DLGAP1: variants seen among roughly 807,000 people sequenced by gnomAD.
DLGAP1 encodes disks large-associated protein 1.
In DLGAP1, 11 loss-of-function variants were observed where a neutral mutation model predicts 90.8. The ratio of observed to expected loss-of-function variants is 0.12; its 90% confidence interval spans 0.08 to 0.20. The LOEUF is 0.20. DLGAP1 is among the 10% of genes least tolerant of loss of function. DLGAP1 has a pLI of 1.00. For missense variants in DLGAP1, 1,050 were observed against 1,333.8 expected, an observed-to-expected ratio of 0.79 and a Z score of 3.31; for synonymous variants, 558 against 540.7, an observed-to-expected ratio of 1.03 and a Z score of -0.44.
rs1357745955 is a variant in DLGAP1 at position 3,517,217 on chromosome 18, C to G, written c.2480-8556G>C. Reference sequence around the variant, plus strand: ...AGCTTTGGCTTCGACTTCAAGTCACCAGGTGCCTGAGCCCCTAACAAGAGA... The same window carrying G: ...AGCTTTGGCTTCGACTTCAAGTCACGAGGTGCCTGAGCCCCTAACAAGAGA... On this transcript the variant is annotated intron_variant, in intron 10 of 12. Transcript: ENST00000315677. The surrounding 1 kb of genome is among the most constrained non-coding windows in gnomAD (Gnocchi z 4.1). 6.6e-6 allele frequency among the ~76,000 whole-genome samples: 1 copy of G among 152,162 alleles called. No homozygotes were observed. Among genetic ancestry groups the G allele is most frequent in the East Asian group, 1.9e-4 (1 of 5,200 alleles).
chr18:3,848,272 AAAGAGGAGG>A (rs1160810350), intron 4 of DLGAP1, among the ~76,000 whole-genome samples: 2 of 152,058 alleles, frequency 1.3e-5, no homozygotes, highest in South Asian at 2.1e-4. Context: ...GATGATAATG[AAAGAGGAGG>A]AAGAGGAGGA....
At chr18:4,081,279 C>A (rs531264912) in intron 2 of DLGAP1, among the ~76,000 whole-genome samples, 30 of 150,834 alleles carry the variant, frequency 2.0e-4, no homozygotes, top group African/African-American at 6.1e-4. Flanking sequence ...TGTGCCATTG[C>A]ACTCCAGCCT....
At chr18:3,834,305 CAAAAAA>C (rs35630074) in intron 4 of DLGAP1, among the ~76,000 whole-genome samples, 1 of 33,166 alleles carries the variant, frequency 3.0e-5, no homozygotes, top group African/African-American at 1.2e-4. Flanking sequence ...GACTCTGTCT[CAAAAAA>C]AAAAAAAAAA....
rs771813022 is a variant in DLGAP1 at position 3,814,318 on chromosome 18, CCTTTTTCTTTT to C, written c.958-56_958-46del. On this transcript the variant is annotated intron_variant, in intron 4 of 12. Coordinates refer to ENST00000315677, the MANE Select transcript of DLGAP1 (RefSeq NM_004746.4). ...ATAAATCACTTTTTATAAAAGCCTA[CCTTTTTCTTTT>C]CTTTTTCTTTTTTTTTAGATTTAAC... The C allele has an allele frequency of 2.4e-5, 37 of 1,511,894 alleles. No individual in the cohort carries two copies. In the Middle Eastern group the frequency reaches 1.7e-3, roughly 71 times the overall value. The allele number at this position is 1,511,894 out of a possible 1,614,324, so 93.7% of individuals were successfully genotyped here. A position where few individuals can be genotyped will look rare whatever the true frequency, so the allele number is the denominator to read the frequency against.
intron 2 of DLGAP1, among the ~76,000 whole-genome samples, chr18:4,054,716 T>C (rs576502530): frequency 1.5e-4 from 23 of 152,340 alleles, no homozygotes; most frequent in African/African-American, 5.3e-4. Context: ...TAAATTGAGA[T>C]TGTTCATATT....
chr18:4,381,185 C>G (rs977390737), intron 1 of DLGAP1, among the ~76,000 whole-genome samples: 3 of 152,110 alleles, frequency 2.0e-5, no homozygotes, highest in Non-Finnish European at 4.4e-5. Context: ...TCCCTAAAGC[C>G]TAGAAGTTTG....
At chr18:4,395,901 A>G (rs940970769) in intron 1 of DLGAP1, among the ~76,000 whole-genome samples, 1 of 152,162 alleles carries the variant, frequency 6.6e-6, no homozygotes, top group Admixed American at 6.5e-5. Context: ...GACAAATTCA[A>G]CATCACTTAC....
chr18:3,910,407 A>G (rs56998703), intron 3 of DLGAP1, among the ~76,000 whole-genome samples: 71 of 152,264 alleles, frequency 4.7e-4, no homozygotes, highest in African/African-American at 1.7e-3. Flanking sequence ...AAGACAAAGC[A>G]TGGAGAGTGA....
At chr18:3,683,036 T>C (rs1297461097) in intron 7 of DLGAP1, among the ~76,000 whole-genome samples, 1 of 152,052 alleles carries the variant, frequency 6.6e-6, no homozygotes, top group African/African-American at 2.4e-5. Context: ...TTTGTATTTT[T>C]AGTAGAGTTG....
At chr18:4,427,371 T>C (rs73370854) in intron 1 of DLGAP1, among the ~76,000 whole-genome samples, 2,655 of 152,268 alleles carry the variant, frequency 0.017, 77 homozygotes, top group African/African-American at 0.06. Context: ...CTCTATTGAA[T>C]ATGTGAGTCT....
chr18:3,888,805 C>T (rs768211553), intron 3 of DLGAP1, among the ~76,000 whole-genome samples: 22 of 152,086 alleles, frequency 1.4e-4, no homozygotes, highest in African/African-American at 5.1e-4. Context: ...AGGCAGTAAA[C>T]GATAAAATCT....
intron 10 of DLGAP1, among the ~76,000 whole-genome samples, chr18:3,509,762 T>C (rs1265227174): frequency 2.6e-5 from 4 of 152,218 alleles, no homozygotes; most frequent in Non-Finnish European, 5.9e-5. Context: ...AACTGAAGAA[T>C]AAGAAACTCC....
At position 4,145,962 on chromosome 18, in the gene DLGAP1, G is replaced by A. The variant is rs187752489; in HGVS notation, c.-159+5218C>T. On this transcript the variant is annotated intron_variant, in intron 2 of 12. Coordinates refer to ENST00000315677, the MANE Select transcript of DLGAP1 (RefSeq NM_004746.4). ...ACCATCAGCAATGTATAGAACCAGA[G>A]CTATCCCGTGTAGATAAAAAAAAAT... Among the ~76,000 whole-genome samples the A allele has an allele frequency of 7.1e-4, 108 of 152,238 alleles. No individual in the cohort carries two copies. In the South Asian group the frequency reaches 0.011, roughly 15 times the overall value.
intron 3 of DLGAP1, among the ~76,000 whole-genome samples, chr18:3,902,436 T>C (rs1324635246): frequency 6.6e-6 from 1 of 152,218 alleles, no homozygotes; most frequent in Non-Finnish European, 1.5e-5. Flanking sequence ...ATATAAAGGA[T>C]GAGTGTTTAG....
intron 4 of DLGAP1, among the ~76,000 whole-genome samples, chr18:3,846,232 AGAC>A (rs1489165042): frequency 5.3e-5 from 8 of 152,226 alleles, no homozygotes; most frequent in Non-Finnish European, 7.3e-5. Context: ...GGTTATCAAT[AGAC>A]AAGGACAATA....
rs145230847 is a variant in DLGAP1 at position 3,597,302 on chromosome 18, C to T, written c.1592-15054G>A. On this transcript the variant is annotated intron_variant, in intron 7 of 12. Transcript: ENST00000315677. ...AAAAATCTGGAATGGAATCACATGA[C>T]GCAACAGGCTATGAAGACTCCCTGC... 1.9e-3 allele frequency: 905 copies of T among 477,002 alleles called. 7 individuals are homozygous for T. Among genetic ancestry groups the T allele is most frequent in the African/African-American group, 0.017 (824 of 49,534 alleles). The allele number at this position is 477,002 out of a possible 1,614,324, so 29.5% of individuals were successfully genotyped here.
chr18:4,350,726 G>A (rs75055006), intron 1 of DLGAP1, among the ~76,000 whole-genome samples: 2,278 of 152,188 alleles, frequency 0.015, 47 homozygotes, highest in African/African-American at 0.051. Flanking sequence ...TTATATTGTA[G>A]AGGTCTTCTT....
At chr18:3,881,258 G>A (rs2071161112) in intron 3 of DLGAP1, among the ~76,000 whole-genome samples, 1 of 152,032 alleles carries the variant, frequency 6.6e-6, no homozygotes, top group African/African-American at 2.4e-5. Flanking sequence ...CAGAGTAGCT[G>A]GGATTACAGG....
intron 3 of DLGAP1, among the ~76,000 whole-genome samples, chr18:3,999,077 C>T (rs957223769): frequency 6.6e-6 from 1 of 151,984 alleles, no homozygotes; most frequent in Non-Finnish European, 1.5e-5. Flanking sequence ...TAGTTTTTCT[C>T]CCTGTCTCCT....
Sources: allele counts gnomAD v4.1 joint callset (sites outside exome capture counted in the v4.1 genomes callset), GRCh38; gene constraint gnomAD v4.1.1; non-coding constraint Gnocchi (gnomAD v3.1); transcripts MANE v1.5; gene names NCBI Gene and HGNC (gene_info 2026-07-23, HGNC 2026-07-21).